Variants in ACACA observed in about 807,000 individuals in gnomAD.
ACACA encodes acetyl-CoA carboxylase alpha.
Under a neutral mutation model 296.1 loss-of-function variants are expected in ACACA, and 103 were observed. The ratio of observed to expected loss-of-function variants is 0.35; its 90% CI spans 0.30 to 0.41. The LOEUF is 0.41. ACACA is among the 10% of genes least tolerant of loss of function. The pLI, the probability that ACACA is intolerant of heterozygous loss-of-function variation, is 1.00. For synonymous variants in ACACA, 953 were observed against 1,038.6 expected, an observed-to-expected ratio of 0.92 and a Z score of 1.58; for missense variants, 1,554 against 2,989.7, an observed-to-expected ratio of 0.52 and a Z score of 11.20.
chr17:37,380,935 G>A (rs2050225731), intron 1 of ACACA, among the ~76,000 whole-genome samples: 1 of 150,518 alleles, frequency 6.6e-6, no homozygotes, highest in Non-Finnish European at 1.5e-5. Context: ...CATGCACACA[G>A]TAAAATATTC....
intron 9 of ACACA, among the ~76,000 whole-genome samples, chr17:37,272,021 G>T (rs546414619): frequency 1.9e-4 from 29 of 152,014 alleles, no homozygotes; most frequent in African/African-American, 6.5e-4. Flanking sequence ...GTCTTTTAAG[G>T]TTTTGCTACA....
intron 1 of ACACA, among the ~76,000 whole-genome samples, chr17:37,340,193 C>T (rs909317137): frequency 6.6e-6 from 1 of 152,132 alleles, no homozygotes; most frequent in Non-Finnish European, 1.5e-5. Flanking sequence ...GAGAAGAGAA[C>T]CACTAGATTC....
At chr17:37,346,145 T>C (rs1328652442) in intron 1 of ACACA, among the ~76,000 whole-genome samples, 4 of 152,048 alleles carry the variant, frequency 2.6e-5, no homozygotes, top group Non-Finnish European at 5.9e-5. Flanking sequence ...GTTAATTTCA[T>C]AGTTTTGACT....
Position 37,406,455 on chromosome 17 carries a change from G to C in ACACA, c.-156C>G, listed in dbSNP as rs1041729194. 3.7e-6 allele frequency: 3 copies of C among 802,876 alleles called. No homozygotes were observed. In the East Asian group the frequency reaches 8.0e-5, roughly 21 times the overall value. The allele number at this position is 802,876 out of a possible 1,614,324, so 49.7% of individuals were successfully genotyped here. ...TGGTTCATCCACGAGCAGCCCTTCG[G>C]GGCCCGGACTGGAGAGGCGCCACGG... On this transcript the variant is annotated 5_prime_UTR_variant, in exon 1 of 56. Transcript: ENST00000616317.
chr17:37,198,954 A>G (rs1187317449), intron 35 of ACACA, among the ~76,000 whole-genome samples: 3 of 152,188 alleles, frequency 2.0e-5, no homozygotes, highest in Admixed American at 6.5e-5. Context: ...AACCAAACCA[A>G]ACAGGCTGGG....
chr17:37,102,444 T>C (rs1387718519), intron 52 of ACACA, among the ~76,000 whole-genome samples: 5 of 152,124 alleles, frequency 3.3e-5, no homozygotes, highest in Non-Finnish European at 5.9e-5. Context: ...TCAGGTGATC[T>C]GCCTGCCTCG....
rs772441784 is a variant in ACACA at position 37,097,868 on chromosome 17, C to T, written c.6682G>A (p.Asp2228Asn). 1.9e-6 allele frequency: 3 copies of T among 1,614,150 alleles called. No homozygotes were observed. Among genetic ancestry groups the T allele is most frequent in the Non-Finnish European group, 2.5e-6 (3 of 1,180,024 alleles). ...QVAVQFADLH[D>N]TPGRMQEKGV... ...TTCTCCTGCATCCGGCCTGGTGTGT[C>T]GTGCAAGTCAGCAAACTGCACGGCT... The change falls in exon 53 of 56, where the codon GAC (aspartate) becomes AAC (asparagine). Residue 2228 changes from aspartate (D) to asparagine (N), a missense_variant. By Grantham distance (23) the Asp-to-Asn change is conservative. Coordinates refer to ENST00000616317, the MANE Select transcript of ACACA (RefSeq NM_198834.3). This position sits in a 1 kb window ranked among gnomAD's most constrained non-coding sequence, Gnocchi z 4.8.
At chr17:37,088,829 C>T (rs1001747961) in intron 55 of ACACA, 109 bp downstream of exon 55, 9 of 1,411,172 alleles carry the variant, frequency 6.4e-6, no homozygotes, top group African/African-American at 1.4e-5. Flanking sequence ...CAGCAAGAGA[C>T]TGCAGAGATC....
intron 41 of ACACA, among the ~76,000 whole-genome samples, chr17:37,166,100 A>C (rs2076655396): frequency 6.6e-6 from 1 of 151,972 alleles, no homozygotes. Flanking sequence ...GGAGTAATAA[A>C]TGTTTGCTAG....
intron 19 of ACACA, 96 bp from the exon 20 acceptor site, chr17:37,245,310 C>T: frequency 7.8e-7 from 1 of 1,278,054 alleles, no homozygotes; most frequent in Non-Finnish European, 1.1e-6. Flanking sequence ...CTAAGTTGGA[C>T]CACACCTAAT....
At chr17:37,329,903 T>TGCACTCCAGCTTGGGCAACAGAGCAA (rs2047794052) in intron 3 of ACACA, among the ~76,000 whole-genome samples, 1 of 152,024 alleles carries the variant, frequency 6.6e-6, no homozygotes, top group Non-Finnish European at 1.5e-5. Context: ...ACCGCACCAC[T>TGCACTCCAGCTTGGGCAACAGAGCAA]GCACTCCAGC....
intron 3 of ACACA, among the ~76,000 whole-genome samples, chr17:37,296,990 T>C (rs1344948395): frequency 2.0e-5 from 3 of 151,844 alleles, no homozygotes; most frequent in Non-Finnish European, 4.4e-5. Flanking sequence ...GTGCTGAGGT[T>C]ACAGACATGA....
At position 37,113,123 on chromosome 17, in the gene ACACA, G is replaced by C; in HGVS notation, c.6417C>G (p.Pro2139=). The C allele has an allele frequency of 6.2e-7, 1 of 1,614,158 alleles. No individual in the cohort carries two copies. Among genetic ancestry groups the C allele is most frequent in the Non-Finnish European group, 8.5e-7 (1 of 1,180,032 alleles). ...GGTCAGCATACATCTCCATGTGCCG[G>C]GGGTTGATGGAGGAGTCAATCACCA... The part of the protein sequence containing the change: ...SWVVIDSSIN[P]RHMEMYADRE... Residue 2139 remains proline, a synonymous_variant, in exon 51 of 56, where the codon CCC becomes CCG. Transcript: ENST00000616317. The surrounding 1 kb of genome is among the most constrained non-coding windows in gnomAD (Gnocchi z 4.0).
At chr17:37,102,913 C>T (rs2073448352) in intron 52 of ACACA, among the ~76,000 whole-genome samples, 1 of 152,132 alleles carries the variant, frequency 6.6e-6, no homozygotes. Flanking sequence ...CAAAGCCTAC[C>T]TTGTTTGATT....
At chr17:37,366,770 A>G (rs2049621051) in intron 1 of ACACA, among the ~76,000 whole-genome samples, 2 of 147,186 alleles carry the variant, frequency 1.4e-5, no homozygotes, top group African/African-American at 5.4e-5. Flanking sequence ...CCTGGCCACA[A>G]TGTCACGTCT....
In ACACA at chr17:37,200,488, G is replaced by A. The variant is rs200301970; in HGVS notation, c.4057-5C>T. 1,178 of 1,610,596 alleles carry A rather than the reference G, an allele frequency of 7.3e-4. No homozygotes were observed. The highest frequency in any genetic ancestry group is 8.6e-4 in the Non-Finnish European group (1,017 of 1,176,860). On this transcript the variant is annotated splice_polypyrimidine_tract_variant and splice_region_variant and intron_variant, in intron 33 of 55. Transcript: ENST00000616317. ...ATGGTCAACCAGGGTAGCTTTCTAG[G>A]AGCAAAAACATGTAAAACAGAAGAT...
At chr17:37,174,841 T>G (rs2077050306) in intron 41 of ACACA, among the ~76,000 whole-genome samples, 2 of 152,152 alleles carry the variant, frequency 1.3e-5, no homozygotes, top group African/African-American at 4.8e-5. Context: ...CCAGTTGCAT[T>G]CAATTTTCAA....
intron 23 of ACACA, among the ~76,000 whole-genome samples, chr17:37,241,605 T>C (rs1384743700): frequency 1.3e-5 from 2 of 150,994 alleles, no homozygotes; most frequent in East Asian, 1.9e-4. Flanking sequence ...TTCAGAGGGG[T>C]TGAAACAGGA....
At chr17:37,390,611 A>G (rs1348598393) in intron 1 of ACACA, among the ~76,000 whole-genome samples, 1 of 148,800 alleles carries the variant, frequency 6.7e-6, no homozygotes. Context: ...TGGGTGACAG[A>G]GCAAGACTCC....
Sources: gnomAD v4.1 joint callset for allele counts (sites outside exome capture counted in the v4.1 genomes callset) on GRCh38, gnomAD v4.1.1 for gene constraint, Gnocchi (gnomAD v3.1) non-coding constraint, MANE v1.5 for transcripts, NCBI Gene and HGNC (gene_info 2026-07-23, HGNC 2026-07-21) for gene names.